DRC11: variants seen among roughly 807,000 people sequenced by gnomAD.
DRC11 encodes dynein regulatory complex subunit 11, also known as IQ and AAA domain-containing protein 1.
chr2:236,311,896 G>A, the DRC11 span, among the ~76,000 whole-genome samples: 1 of 152,084 alleles, frequency 6.6e-6, no homozygotes, highest in African/African-American at 2.4e-5. This position sits in a 1 kb window ranked among gnomAD's most constrained non-coding sequence, Gnocchi z 6.9. Context: ...GGATGAAACT[G>A]TGCAGCCCCT....
At chr2:236,356,091 GC>G in the DRC11 span, among the ~76,000 whole-genome samples, 12 of 152,028 alleles carry the variant, frequency 7.9e-5, no homozygotes, top group Non-Finnish European at 1.3e-4. Context: ...CACTGCCTCG[GC>G]CCCGTTCTCC....
At chr2:236,391,876 AACAGGCGGCCCTCCTGG>A in the DRC11 span, 1 of 940,790 alleles carries the variant, frequency 1.1e-6, no homozygotes, top group Non-Finnish European at 1.7e-6. This position sits in a 1 kb window ranked among gnomAD's most constrained non-coding sequence, Gnocchi z 4.5. Context: ...GTGTCCTGGC[AACAGGCGGCCCTCCTGG>A]ACATGCCACA....
At chr2:236,330,281 T>G in the DRC11 span, among the ~76,000 whole-genome samples, 1 of 152,074 alleles carries the variant, frequency 6.6e-6, no homozygotes, top group African/African-American at 2.4e-5. The surrounding 1 kb of genome is among the most constrained non-coding windows in gnomAD (Gnocchi z 5.5). Context: ...AAATAAAGTT[T>G]TATTGGAACC....
the DRC11 span, among the ~76,000 whole-genome samples, chr2:236,316,791 T>C: frequency 6.6e-6 from 1 of 152,110 alleles, no homozygotes; most frequent in Non-Finnish European, 1.5e-5. The surrounding 1 kb of genome is among the most constrained non-coding windows in gnomAD (Gnocchi z 6.8). Context: ...TGTGGAGTAG[T>C]GGGAGTTTGC....
At chr2:236,363,640 T>A in the DRC11 span, 1 of 702,178 alleles carries the variant, frequency 1.4e-6, no homozygotes, top group Middle Eastern at 2.5e-4. The surrounding 1 kb of genome is among the most constrained non-coding windows in gnomAD (Gnocchi z 5.6). Flanking sequence ...CCATACGCAA[T>A]AATGAAGTAA....
At chr2:236,497,466 A>G in the DRC11 span, 1 of 1,610,096 alleles carries the variant, frequency 6.2e-7, no homozygotes, top group Non-Finnish European at 8.5e-7. This position sits in a 1 kb window ranked among gnomAD's most constrained non-coding sequence, Gnocchi z 5.1. Context: ...CTTGGGTCTG[A>G]TGCCACATCT....
At chr2:236,475,155 G>C in the DRC11 span, among the ~76,000 whole-genome samples, 1 of 151,742 alleles carries the variant, frequency 6.6e-6, no homozygotes, top group Non-Finnish European at 1.5e-5. The surrounding 1 kb of genome is among the most constrained non-coding windows in gnomAD (Gnocchi z 4.8). Flanking sequence ...CAGTCCTCTG[G>C]TAACCACCAA....
the DRC11 span, among the ~76,000 whole-genome samples, chr2:236,311,174 C>T: frequency 2.6e-5 from 4 of 152,188 alleles, no homozygotes; most frequent in African/African-American, 9.6e-5. This position sits in a 1 kb window ranked among gnomAD's most constrained non-coding sequence, Gnocchi z 6.9. Flanking sequence ...TATCAGCTTC[C>T]GCCAAGGCCT....
chr2:236,381,922 T>A, the DRC11 span, among the ~76,000 whole-genome samples: 7 of 152,212 alleles, frequency 4.6e-5, no homozygotes, highest in Non-Finnish European at 7.4e-5. The surrounding 1 kb of genome is among the most constrained non-coding windows in gnomAD (Gnocchi z 5.8). Flanking sequence ...TCCCAGTCTG[T>A]AGCTTGTCTT....
chr2:236,430,382 T>G, the DRC11 span, among the ~76,000 whole-genome samples: 2 of 152,228 alleles, frequency 1.3e-5, no homozygotes, highest in African/African-American at 4.8e-5. This position sits in a 1 kb window ranked among gnomAD's most constrained non-coding sequence, Gnocchi z 6.0. Context: ...TGTACACAGG[T>G]ATACACACAA....
At chr2:236,341,124 GC>G in the DRC11 span, among the ~76,000 whole-genome samples, 36 of 152,200 alleles carry the variant, frequency 2.4e-4, no homozygotes, top group Non-Finnish European at 5.0e-4. Context: ...ATTTCAATTT[GC>G]TATTCTGCAG....
At chr2:236,391,753 G>A in the DRC11 span, among the ~76,000 whole-genome samples, 3 of 152,158 alleles carry the variant, frequency 2.0e-5, no homozygotes, top group African/African-American at 7.2e-5. This position sits in a 1 kb window ranked among gnomAD's most constrained non-coding sequence, Gnocchi z 4.5. Context: ...GACCGGGGCT[G>A]GGGAGATGTT....
At chr2:236,498,428 G>A in the DRC11 span, among the ~76,000 whole-genome samples, 3 of 151,392 alleles carry the variant, frequency 2.0e-5, no homozygotes, top group East Asian at 3.9e-4. Flanking sequence ...TCATGCCGCT[G>A]CATTCTAGCC....
At chr2:236,427,960 T>A in the DRC11 span, among the ~76,000 whole-genome samples, 3 of 152,178 alleles carry the variant, frequency 2.0e-5, no homozygotes, top group African/African-American at 7.2e-5. This position sits in a 1 kb window ranked among gnomAD's most constrained non-coding sequence, Gnocchi z 5.9. Context: ...CAAGACATTT[T>A]AAAATTTGCC....
the DRC11 span, among the ~76,000 whole-genome samples, chr2:236,498,950 A>C: frequency 6.6e-6 from 1 of 152,178 alleles, no homozygotes; most frequent in African/African-American, 2.4e-5. Context: ...CACTGTAGAA[A>C]GTGGGTGTGG....
the DRC11 span, among the ~76,000 whole-genome samples, chr2:236,357,023 CTATATATTTATATATTCATATATTATA>C: frequency 9.1e-6 from 1 of 109,936 alleles, no homozygotes; most frequent in Non-Finnish European, 1.8e-5. Flanking sequence ...TATTATATAT[CTATATATTTATATATTCATATATTATA>C]TATCTATTTA....
At chr2:236,339,763 CTCT>C in the DRC11 span, among the ~76,000 whole-genome samples, 1 of 152,298 alleles carries the variant, frequency 6.6e-6, no homozygotes, top group East Asian at 1.9e-4. Flanking sequence ...TGATCTATGT[CTCT>C]TCTTAGGCAA....
chr2:236,333,186 A>T, the DRC11 span: 1 of 152,224 alleles, frequency 6.6e-6, no homozygotes, highest in Non-Finnish European at 1.5e-5. This position sits in a 1 kb window ranked among gnomAD's most constrained non-coding sequence, Gnocchi z 6.0. Flanking sequence ...TGTTATTACA[A>T]TGACAATGAT....
At chr2:236,358,402 TATAA>T in the DRC11 span, among the ~76,000 whole-genome samples, 1 of 141,342 alleles carries the variant, frequency 7.1e-6, no homozygotes, top group Admixed American at 7.3e-5. Flanking sequence ...GAATATCATA[TATAA>T]ATATATATGA....
Sources: allele counts gnomAD v4.1 joint callset (sites outside exome capture counted in the v4.1 genomes callset), GRCh38; gene constraint gnomAD v4.1.1; non-coding constraint Gnocchi (gnomAD v3.1); transcripts MANE v1.5; gene names NCBI Gene and HGNC (gene_info 2026-07-23, HGNC 2026-07-21).